The following CNTN6 variants were observed in gnomAD, a reference collection of about 807,000 sequenced individuals.
CNTN6 encodes the protein contactin-6.
CNTN6 carries 137 observed loss-of-function variants against 122.8 expected under a neutral mutation model. The ratio of observed to expected loss-of-function variants is 1.12; its 90% CI spans 0.97 to 1.29. The LOEUF (loss-of-function observed/expected upper bound fraction) is 1.29, where lower values mean the gene tolerates loss of function less well. Among genes scored for constraint, CNTN6 ranks in the 50% most tolerant of loss-of-function variants. The pLI is 0.00. For missense variants in CNTN6, 1,634 were observed against 1,223.4 expected, an observed-to-expected ratio of 1.34 and a Z score of -5.01; for synonymous variants, 570 against 426.0, an observed-to-expected ratio of 1.34 and a Z score of -4.16.
At chr3:1,286,024 C>G (rs1694274654) in intron 5 of CNTN6, among the ~76,000 whole-genome samples, 2 of 152,274 alleles carry the variant, frequency 1.3e-5, no homozygotes, top group South Asian at 4.1e-4. Flanking sequence ...TTCCTTCCCT[C>G]CACTTTCAGA....
At chr3:1,253,698 G>A (rs999395624) in intron 4 of CNTN6, among the ~76,000 whole-genome samples, 1 of 152,004 alleles carries the variant, frequency 6.6e-6, no homozygotes, top group Non-Finnish European at 1.5e-5. Context: ...TTCACAATAG[G>A]GTTCACACTC....
chr3:1,393,566 AAAAAAAAAG>A (rs1289976827), intron 20 of CNTN6, among the ~76,000 whole-genome samples: 6 of 143,560 alleles, frequency 4.2e-5, no homozygotes, highest in African/African-American at 9.8e-5. Context: ...AAAAAAAAAA[AAAAAAAAAG>A]AAACTCTTGT....
chr3:1,122,512 G>A (rs980896098), intron 1 of CNTN6, among the ~76,000 whole-genome samples: 4 of 149,862 alleles, frequency 2.7e-5, no homozygotes, highest in East Asian at 1.9e-4. Context: ...ATACAGGCAC[G>A]ATGTTGCACA....
At chr3:1,311,614 C>G (rs1038715576) in intron 7 of CNTN6, among the ~76,000 whole-genome samples, 1 of 149,516 alleles carries the variant, frequency 6.7e-6, no homozygotes, top group Non-Finnish European at 1.5e-5. Context: ...GTCAGATATA[C>G]TCATTTAAGA....
intron 17 of CNTN6, 112 bp downstream of exon 17, chr3:1,377,187 G>A (rs1161047154): frequency 1.6e-5 from 11 of 667,118 alleles, no homozygotes; most frequent in Admixed American, 3.0e-5. Context: ...AAAAAAATAT[G>A]GTATAAAAAT....
intron 20 of CNTN6, chr3:1,394,449 G>T (rs532971652): frequency 6.3e-6 from 1 of 157,978 alleles, no homozygotes; most frequent in South Asian, 1.7e-4. Context: ...GCCCCAGGCC[G>T]AGCTGGGTGA....
rs529486892 is a variant in CNTN6, at chr3:1,387,889, T to C, written c.2704+2092T>C. ...AACGGCGCACCACGAGATTATATCC[T>C]GCACCCGGCTCGGAGGGTCCTACGC... On this transcript the variant is annotated intron_variant, in intron 20 of 22. Coordinates refer to ENST00000446702, the MANE Select transcript of CNTN6 (RefSeq NM_001289080.2). 3.4e-3 allele frequency among the ~76,000 whole-genome samples: 515 copies of C among 152,260 alleles called. 3 individuals carry two copies. Among genetic ancestry groups the C allele is most frequent in the African/African-American group, 0.012 (478 of 41,556 alleles).
intron 7 of CNTN6, among the ~76,000 whole-genome samples, chr3:1,317,319 A>G (rs532475235): frequency 3.6e-4 from 54 of 151,992 alleles, no homozygotes; most frequent in African/African-American, 1.2e-3. Context: ...ATGTAATTCA[A>G]TCACACAGAT....
At chr3:1,274,990 T>G (rs1575514671) in intron 4 of CNTN6, among the ~76,000 whole-genome samples, 1 of 152,138 alleles carries the variant, frequency 6.6e-6, no homozygotes, top group East Asian at 1.9e-4. Flanking sequence ...ATTGAAAAAT[T>G]TGAAACCAGC....
intron 3 of CNTN6, 29 bp from the exon 4 acceptor site, chr3:1,227,789 T>A (rs752784002): frequency 1.2e-6 from 2 of 1,608,538 alleles, no homozygotes; most frequent in Non-Finnish European, 1.7e-6. Flanking sequence ...CTGTATATTA[T>A]AAGCACTTTA....
chr3:1,245,297 TATA>T (rs2094561173), intron 4 of CNTN6, among the ~76,000 whole-genome samples: 4 of 4,236 alleles, frequency 9.4e-4, no homozygotes, highest in Admixed American at 3.0e-3. Flanking sequence ...ATATATAACA[TATA>T]TATATATATA....
chr3:1,183,419 G>A (rs1208801419), intron 2 of CNTN6, among the ~76,000 whole-genome samples: 1 of 150,892 alleles, frequency 6.6e-6, no homozygotes. Flanking sequence ...TTAGAGGCCA[G>A]GTAATCAGGC....
chr3:1,242,955 T>G (rs186808219), intron 4 of CNTN6, among the ~76,000 whole-genome samples: 4 of 143,362 alleles, frequency 2.8e-5, no homozygotes, highest in Non-Finnish European at 6.1e-5. Context: ...GTGGAGTGGG[T>G]AGCCTCCGTA....
At chr3:1,383,272 A>C in intron 18 of CNTN6, 21 bp from the exon 19 acceptor site, 1 of 1,603,406 alleles carries the variant, frequency 6.2e-7, no homozygotes, top group Non-Finnish European at 8.5e-7. Context: ...AAAGATGGTT[A>C]TGTCTTTCTC....
chr3:1,261,528 AC>A (rs5846102), intron 4 of CNTN6, among the ~76,000 whole-genome samples: 18,130 of 152,010 alleles, frequency 0.12, 1,543 homozygotes, highest in East Asian at 0.31. Context: ...ATTTCTGGTA[AC>A]CTGGCCTGCT....
chr3:1,232,750 AC>A (rs1448655389), intron 4 of CNTN6, among the ~76,000 whole-genome samples: 1 of 152,160 alleles, frequency 6.6e-6, no homozygotes, highest in Non-Finnish European at 1.5e-5. Flanking sequence ...GGTGAAATTG[AC>A]CTATAACAGA....
intron 3 of CNTN6, 88 bp downstream of exon 3, chr3:1,220,901 C>A: frequency 7.1e-7 from 1 of 1,404,376 alleles, no homozygotes; most frequent in Non-Finnish European, 9.5e-7. Context: ...ATAAAATGTC[C>A]TAATTTGTAG....
intron 4 of CNTN6, among the ~76,000 whole-genome samples, chr3:1,238,190 G>A (rs1373822123): frequency 2.6e-5 from 4 of 152,074 alleles, no homozygotes; most frequent in African/African-American, 9.7e-5. Context: ...CTGTCTTCAC[G>A]AGACTCAACT....
intron 1 of CNTN6, among the ~76,000 whole-genome samples, chr3:1,104,763 G>A (rs1338355106): frequency 6.6e-6 from 1 of 152,064 alleles, no homozygotes; most frequent in Non-Finnish European, 1.5e-5. Context: ...GTGTGCGTGT[G>A]TGTGCATTTA....
Sources: allele counts gnomAD v4.1 joint callset (sites outside exome capture counted in the v4.1 genomes callset), GRCh38; gene constraint gnomAD v4.1.1; transcripts MANE v1.5; gene names NCBI Gene and HGNC (gene_info 2026-07-23, HGNC 2026-07-21).